CAMSAP2: variants seen among roughly 807,000 people sequenced by gnomAD.
CAMSAP2 encodes the protein calmodulin-regulated spectrin-associated protein 2.
A neutral mutation model predicts 146.1 loss-of-function variants in CAMSAP2; 26 were observed. The observed-to-expected ratio is 0.18, with a 90% CI of 0.13 to 0.25. The LOEUF is 0.25. CAMSAP2 is among the 10% of genes least tolerant of loss of function. The pLI is 1.00. For missense variants in CAMSAP2, 1,381 were observed against 1,759.3 expected, an observed-to-expected ratio of 0.78 and a Z score of 3.85; for synonymous variants, 499 against 596.6, an observed-to-expected ratio of 0.84 and a Z score of 2.38.
At chr1:200,841,279 C>T (rs1342297011) in intron 6 of CAMSAP2, among the ~76,000 whole-genome samples, 2 of 152,170 alleles carry the variant, frequency 1.3e-5, no homozygotes, top group African/African-American at 4.8e-5. Flanking sequence ...CGGAGTCTTG[C>T]CCTGTCACCC....
At chr1:200,742,231 G>A (rs1664199552) in intron 1 of CAMSAP2, among the ~76,000 whole-genome samples, 2 of 152,138 alleles carry the variant, frequency 1.3e-5, no homozygotes, top group Admixed American at 6.5e-5. Context: ...TTATCTGCAG[G>A]TGTGAAAAAT....
intron 1 of CAMSAP2, among the ~76,000 whole-genome samples, chr1:200,746,780 A>G (rs945983277): frequency 2.2e-4 from 33 of 151,892 alleles, no homozygotes; most frequent in Admixed American, 5.9e-4. Flanking sequence ...CACCACGCCC[A>G]GCTAATTTTT....
At chr1:200,804,546 TC>T (rs1392886253) in intron 2 of CAMSAP2, among the ~76,000 whole-genome samples, 1 of 152,206 alleles carries the variant, frequency 6.6e-6, no homozygotes, top group Non-Finnish European at 1.5e-5. Flanking sequence ...TGAAATATTT[TC>T]CCACATTTTA....
At chr1:200,806,933 G>A (rs12048165) in intron 2 of CAMSAP2, among the ~76,000 whole-genome samples, 25,924 of 151,860 alleles carry the variant, frequency 0.17, 2,912 homozygotes, top group East Asian at 0.35. Context: ...TCAAGTGTGA[G>A]AAATGTTTGG....
rs150714580 is a variant in CAMSAP2, at chr1:200,765,207, A to G, written c.399+4109A>G. ...AATACTACAATCTGCTTATCAGTCA[A>G]ACTTGCCTTAGTCATACTTCTTTAT... is the stretch of plus-strand genomic sequence containing the variant. On this transcript the variant is annotated intron_variant, in intron 2 of 16. Coordinates refer to ENST00000358823, the MANE Select transcript of CAMSAP2 (RefSeq NM_203459.4). Among the ~76,000 whole-genome samples, 35 of 152,248 alleles carry G rather than the reference A, an allele frequency of 2.3e-4. No individual in the cohort carries two copies. In the East Asian group the frequency reaches 6.2e-3, roughly 27 times the overall value.
In CAMSAP2 at chr1:200,757,728, A is replaced by G. The variant is rs544826777; in HGVS notation, c.140-3111A>G. Among the ~76,000 whole-genome samples, 274 of 152,194 alleles carry G rather than the reference A, an allele frequency of 1.8e-3. 1 individual carries two copies. Among genetic ancestry groups the G allele is most frequent in the Middle Eastern group, 3.4e-3 (1 of 294 alleles). ...CTCTTGAAGACTTGTTTTTAAAATG[A>G]CCTATTTTATATTCAGTATGAAGTT... On this transcript the variant is annotated intron_variant, in intron 1 of 16. Transcript: ENST00000358823.
At chr1:200,759,001 G>A (rs1471322675) in intron 1 of CAMSAP2, among the ~76,000 whole-genome samples, 1 of 152,056 alleles carries the variant, frequency 6.6e-6, no homozygotes, top group Admixed American at 6.6e-5. Flanking sequence ...CAGTCTTAAT[G>A]TGACACTGTC....
In CAMSAP2 at chr1:200,849,418, C is replaced by G; in HGVS notation, c.2649C>G (p.Ser883=). The G allele has an allele frequency of 6.2e-7, 1 of 1,614,148 alleles. No individual in the cohort carries two copies. The highest frequency in any genetic ancestry group is 1.1e-5 in the South Asian group (1 of 91,074). ...NEGEILEYTK[S]IEKLNSSLHF... ...GAGAGATTTTAGAATATACCAAATCCATTGAAAAGTTAAATTCATCCCTGC... is the reference window on the plus strand; with the variant it reads ...GAGAGATTTTAGAATATACCAAATCGATTGAAAAGTTAAATTCATCCCTGC... Residue 883 remains serine, a synonymous_variant, in exon 11 of 17, where the codon TCC becomes TCG. Transcript: ENST00000358823. This position sits in a 1 kb window ranked among gnomAD's most constrained non-coding sequence, Gnocchi z 6.3.
intron 4 of CAMSAP2, among the ~76,000 whole-genome samples, chr1:200,817,749 G>C (rs1332182121): frequency 6.6e-6 from 1 of 152,180 alleles, no homozygotes; most frequent in Non-Finnish European, 1.5e-5. Flanking sequence ...AATTTTGTCT[G>C]ATTTTGATGT....
chr1:200,852,004 A>G (rs987550236), intron 11 of CAMSAP2, among the ~76,000 whole-genome samples: 7 of 152,204 alleles, frequency 4.6e-5, no homozygotes, highest in African/African-American at 9.6e-5. Flanking sequence ...GGGAAGTATA[A>G]TCATCCCCAT....
At chr1:200,771,498 A>G (rs1665116838) in intron 2 of CAMSAP2, among the ~76,000 whole-genome samples, 1 of 152,188 alleles carries the variant, frequency 6.6e-6, no homozygotes, top group African/African-American at 2.4e-5. Context: ...TATTTTTTAT[A>G]TTGTACCACA....
At chr1:200,818,740 T>G (rs982308016) in intron 4 of CAMSAP2, among the ~76,000 whole-genome samples, 4 of 152,186 alleles carry the variant, frequency 2.6e-5, no homozygotes, top group African/African-American at 9.7e-5. Context: ...ATATTATCAT[T>G]CCATTCTTGG....
chr1:200,761,489 A>C (rs984345761), intron 2 of CAMSAP2, among the ~76,000 whole-genome samples: 1 of 152,142 alleles, frequency 6.6e-6, no homozygotes, highest in Non-Finnish European at 1.5e-5. Context: ...TAATCCCAGC[A>C]CTTTGGGAGG....
chr1:200,760,331 G>GTC (rs965782677), intron 1 of CAMSAP2, among the ~76,000 whole-genome samples: 4 of 152,158 alleles, frequency 2.6e-5, no homozygotes, highest in African/African-American at 9.7e-5. Context: ...AGACGGCAGA[G>GTC]GTCTTGAGGC....
rs529519853 is a variant in CAMSAP2, at chr1:200,739,809, C to G, written c.-19C>G. The G allele has an allele frequency of 9.9e-6, 16 of 1,611,648 alleles. No individual in the cohort carries two copies. The highest frequency in any genetic ancestry group is 1.3e-5 in the Non-Finnish European group (15 of 1,178,742). ...TGTGAAGGTTAGGGCCGGGACATCC[C>G]GAGGAGCCGCGGTGAAAGATGGGGG... On this transcript the variant is annotated 5_prime_UTR_variant, in exon 1 of 17. Transcript: ENST00000358823. The surrounding 1 kb of genome is among the most constrained non-coding windows in gnomAD (Gnocchi z 4.8).
intron 4 of CAMSAP2, among the ~76,000 whole-genome samples, chr1:200,820,062 ATT>A (rs754216364): frequency 1.4e-5 from 2 of 145,882 alleles, no homozygotes; most frequent in African/African-American, 2.5e-5. Flanking sequence ...TTCTCAAAAA[ATT>A]TTTTTTTTTT....
In CAMSAP2 at chr1:200,838,465, GT is replaced by G. The variant is rs898709690; in HGVS notation, c.928-3521del. ...TCAATGTTTTGATGTTTTACTGACTGTTTTTTTTAGTACGTAGATTCATTCA... is the reference window on the plus strand; with the variant it reads ...TCAATGTTTTGATGTTTTACTGACTGTTTTTTTAGTACGTAGATTCATTCA... On this transcript the variant is annotated intron_variant, in intron 6 of 16. Transcript: ENST00000358823. 4.0e-5 allele frequency among the ~76,000 whole-genome samples: 6 copies of G among 151,652 alleles called. No homozygotes were observed. In the South Asian group the frequency reaches 6.2e-4, roughly 16 times the overall value.
At chr1:200,807,282 G>A (rs1666202167) in intron 2 of CAMSAP2, 94 bp from the exon 3 acceptor site, 1 of 948,510 alleles carries the variant, frequency 1.1e-6, no homozygotes, top group African/African-American at 1.7e-5. Flanking sequence ...TTATTCTGCT[G>A]CTTGTTAGGA....
chr1:200,831,892 T>G (rs1229915227), intron 4 of CAMSAP2, among the ~76,000 whole-genome samples: 1 of 152,158 alleles, frequency 6.6e-6, no homozygotes, highest in Non-Finnish European at 1.5e-5. Context: ...CAGAACTGAT[T>G]ATTTGGATAC....
Sources: gnomAD v4.1 joint callset for allele counts (sites outside exome capture counted in the v4.1 genomes callset) on GRCh38, gnomAD v4.1.1 for gene constraint, Gnocchi (gnomAD v3.1) non-coding constraint, MANE v1.5 for transcripts, NCBI Gene and HGNC (gene_info 2026-07-23, HGNC 2026-07-21) for gene names.